EHMT1: variants seen among roughly 807,000 people sequenced by gnomAD.
The protein encoded by EHMT1 is euchromatic histone lysine methyltransferase 1.
Under a neutral mutation model 147.2 loss-of-function variants are expected in EHMT1, and 15 were observed. The observed-to-expected ratio is 0.10, with a 90% CI of 0.07 to 0.16. The LOEUF is 0.16. EHMT1 is among the 10% of genes least tolerant of loss of function. EHMT1 has a pLI of 1.00. For missense variants in EHMT1, 1,587 were observed against 1,772.4 expected, an observed-to-expected ratio of 0.90 and a Z score of 1.88; for synonymous variants, 795 against 709.6, an observed-to-expected ratio of 1.12 and a Z score of -1.91.
rs535376346 is a variant in EHMT1, at chr9:137,799,020, C to T, written c.2607+106C>T. 5.4e-5 allele frequency: 52 copies of T among 964,506 alleles called. No homozygotes were observed. In the South Asian group the frequency reaches 6.9e-4, roughly 13 times the overall value. The allele number at this position is 964,506 out of a possible 1,614,324, so 59.7% of individuals were successfully genotyped here. A position where few individuals can be genotyped will look rare whatever the true frequency, so the allele number is the denominator to read the frequency against. ...CCCCATTCTCCATGGCGTCCCCTCC[C>T]ACGCACAGAGCCAGCTCGGGCCCTC... On this transcript the variant is annotated intron_variant, in intron 17 of 26. Coordinates refer to ENST00000460843, the MANE Select transcript of EHMT1 (RefSeq NM_024757.5).
chr9:137,732,491 A>G lies in EHMT1; in HGVS notation c.823+3962A>G, dbSNP rs544119185. ...AGGAGACCCAAAGTCAGTAGCTCCT[A>G]CTGGCAGGGAGGCAGTCCTGTTGTG... On this transcript the variant is annotated intron_variant, in intron 4 of 26. Coordinates refer to ENST00000460843, the MANE Select transcript of EHMT1 (RefSeq NM_024757.5). This position sits in a 1 kb window ranked among gnomAD's most constrained non-coding sequence, Gnocchi z 4.6. 1.3e-5 allele frequency among the ~76,000 whole-genome samples: 2 copies of G among 152,316 alleles called. No individual in the cohort carries two copies. The highest frequency in any genetic ancestry group is 2.9e-5 in the Non-Finnish European group (2 of 68,020).
chr9:137,677,010 G>C (rs1941414795), intron 1 of EHMT1, among the ~76,000 whole-genome samples: 1 of 152,080 alleles, frequency 6.6e-6, no homozygotes, highest in African/African-American at 2.4e-5. Context: ...GAACTAAGGA[G>C]CAAAATTCTC....
At chr9:137,788,010 C>G in intron 15 of EHMT1, 3 of 1,448,718 alleles carry the variant, frequency 2.1e-6, no homozygotes, top group Non-Finnish European at 2.9e-6. Context: ...GTGGAGAGGC[C>G]AGGCCCTAGG....
chr9:137,718,275 G>A (rs987918646), intron 3 of EHMT1, among the ~76,000 whole-genome samples: 1 of 152,248 alleles, frequency 6.6e-6, no homozygotes, highest in Non-Finnish European at 1.5e-5. Flanking sequence ...GATCTTACGT[G>A]GTGCATACAC....
Position 137,776,427 on chromosome 9 carries a change from C to T in EHMT1, c.1792-191C>T, listed in dbSNP as rs1950962589. The T allele has an allele frequency of 1.8e-6, 1 of 570,590 alleles. No homozygotes were observed. Among genetic ancestry groups the T allele is most frequent in the Non-Finnish European group, 3.1e-6 (1 of 318,070 alleles). 35.3% of individuals were successfully genotyped at this position (570,590 alleles called of 1,614,324 possible). ...TGGCTTCAGCTTCTTCTCTGTGGGG[C>T]GAGAGCACCACGGGAAGCATCGTTC... On this transcript the variant is annotated intron_variant, in intron 11 of 26. Transcript: ENST00000460843. This position sits in a 1 kb window ranked among gnomAD's most constrained non-coding sequence, Gnocchi z 4.4.
At chr9:137,737,284 A>C (rs1460294749) in intron 4 of EHMT1, among the ~76,000 whole-genome samples, 1 of 152,244 alleles carries the variant, frequency 6.6e-6, no homozygotes, top group Non-Finnish European at 1.5e-5. Context: ...TACTCAAAAC[A>C]GTGTTATTCC....
intron 16 of EHMT1, chr9:137,792,224 C>T (rs1035467917): frequency 7.8e-6 from 3 of 382,244 alleles, no homozygotes; most frequent in African/African-American, 4.3e-5. Flanking sequence ...GAAATAGAGA[C>T]CAATGGAATA....
chr9:137,719,635 C>A (rs1165972157), intron 3 of EHMT1, among the ~76,000 whole-genome samples: 1 of 152,210 alleles, frequency 6.6e-6, no homozygotes, highest in Admixed American at 6.5e-5. Flanking sequence ...TTTCACCAAG[C>A]TTCCTTCAGT....
At chr9:137,824,883 G>A (rs1955699555) in intron 25 of EHMT1, among the ~76,000 whole-genome samples, 1 of 152,160 alleles carries the variant, frequency 6.6e-6, no homozygotes, top group African/African-American at 2.4e-5. Context: ...AGGCTTGTCT[G>A]CACATGTGGT....
chr9:137,721,571 C>T (rs1174393293), intron 3 of EHMT1, among the ~76,000 whole-genome samples: 1 of 133,642 alleles, frequency 7.5e-6, no homozygotes, highest in African/African-American at 2.9e-5. Flanking sequence ...GCCTCTCATC[C>T]TCTCCCTCTC....
intron 1 of EHMT1, among the ~76,000 whole-genome samples, chr9:137,631,256 A>G (rs149538364): frequency 0.012 from 1,851 of 151,980 alleles, 32 homozygotes; most frequent in African/African-American, 0.042. Flanking sequence ...GCCGGGCGTG[A>G]TGGCGGGCGC....
intron 3 of EHMT1, among the ~76,000 whole-genome samples, chr9:137,722,166 T>G (rs1946124358): frequency 6.6e-6 from 1 of 152,234 alleles, no homozygotes; most frequent in Non-Finnish European, 1.5e-5. Context: ...TATGCTTTTA[T>G]TACAGTCCTA....
intron 17 of EHMT1, among the ~76,000 whole-genome samples, chr9:137,799,353 A>T (rs1024202027): frequency 6.6e-6 from 1 of 152,034 alleles, no homozygotes; most frequent in Non-Finnish European, 1.5e-5. Flanking sequence ...CATTTGAGGG[A>T]GGTGTCACTA....
chr9:137,634,656 CCTTGCTTG>C (rs200858298), intron 1 of EHMT1, among the ~76,000 whole-genome samples: 5 of 147,626 alleles, frequency 3.4e-5, no homozygotes, highest in East Asian at 2.0e-4. Context: ...AGATTGGGTC[CCTTGCTTG>C]CTTGCTTGCT....
At chr9:137,725,974 T>A (rs555273502) in intron 3 of EHMT1, among the ~76,000 whole-genome samples, 61 of 152,314 alleles carry the variant, frequency 4.0e-4, no homozygotes, top group Admixed American at 1.8e-3. Context: ...CCCTCAGAGC[T>A]GTCTCTGCAG....
Position 137,763,090 on chromosome 9 carries a change from G to A in EHMT1, c.1647+270G>A. The A allele has an allele frequency of 1.6e-5, 10 of 608,098 alleles. No individual in the cohort carries two copies. The South Asian group carries it at 2.0e-4, about 12-fold the overall frequency. The allele number at this position is 608,098 out of a possible 1,614,324, so 37.7% of individuals were successfully genotyped here. A position where few individuals can be genotyped will look rare whatever the true frequency, so the allele number is the denominator to read the frequency against. ...TGTTGTATTTCTTTTTTATGATCATGGTTTTGTCAAGGTTTTTCCTACCTT... is the reference window on the plus strand; with the variant it reads ...TGTTGTATTTCTTTTTTATGATCATAGTTTTGTCAAGGTTTTTCCTACCTT... On this transcript the variant is annotated intron_variant, in intron 10 of 26. Coordinates refer to ENST00000460843, the MANE Select transcript of EHMT1 (RefSeq NM_024757.5).
chr9:137,648,633 C>G (rs1407235195), intron 1 of EHMT1, among the ~76,000 whole-genome samples: 2 of 152,104 alleles, frequency 1.3e-5, no homozygotes, highest in African/African-American at 4.8e-5. Flanking sequence ...CCAGGGCATT[C>G]GAGCACTTGG....
chr9:137,624,033 C>T (rs568264567), intron 1 of EHMT1, among the ~76,000 whole-genome samples: 85 of 148,782 alleles, frequency 5.7e-4, no homozygotes, highest in Non-Finnish European at 8.9e-5. Context: ...GGAGTCTTAC[C>T]CTGTTGCCCA....
chr9:137,625,752 T>TG, intron 1 of EHMT1, among the ~76,000 whole-genome samples: 1 of 152,176 alleles, frequency 6.6e-6, no homozygotes, highest in Non-Finnish European at 1.5e-5. Context: ...TGTCATGTCT[T>TG]GGTCTTGTTC....
Sources: gnomAD v4.1 joint callset for allele counts (sites outside exome capture counted in the v4.1 genomes callset) on GRCh38, gnomAD v4.1.1 for gene constraint, Gnocchi (gnomAD v3.1) non-coding constraint, MANE v1.5 for transcripts, NCBI Gene and HGNC (gene_info 2026-07-23, HGNC 2026-07-21) for gene names.